The following DENND1A variants were observed in gnomAD, a reference collection of about 807,000 sequenced individuals.
The protein encoded by DENND1A is DENN domain-containing protein 1A.
A neutral mutation model predicts 113.7 loss-of-function variants in DENND1A; 51 were observed. The ratio of observed to expected loss-of-function variants is 0.45; its 90% CI spans 0.36 to 0.57. The LOEUF (loss-of-function observed/expected upper bound fraction) is 0.57, where lower values mean the gene tolerates loss of function less well. Among genes scored for constraint, DENND1A ranks in the 20% least tolerant of loss-of-function variants. DENND1A has a pLI of 0.00. For missense variants in DENND1A, 1,258 were observed against 1,395.9 expected (o/e 0.90, Z 1.57); for synonymous variants, 565 against 570.8 (o/e 0.99, Z 0.14).
chr9:123,560,640 T>C (rs1221641220), intron 12 of DENND1A, among the ~76,000 whole-genome samples: 1 of 149,220 alleles, frequency 6.7e-6, no homozygotes, highest in Non-Finnish European at 1.5e-5. Flanking sequence ...CAATGAGCTA[T>C]GATTGCACCG....
intron 6 of DENND1A, among the ~76,000 whole-genome samples, chr9:123,674,658 A>G (rs936492410): frequency 6.6e-6 from 1 of 152,206 alleles, no homozygotes; most frequent in African/African-American, 2.4e-5. Flanking sequence ...TACTGATCTC[A>G]GTCCGACATC....
intron 1 of DENND1A, among the ~76,000 whole-genome samples, chr9:123,886,612 C>T (rs1420728095): frequency 3.3e-5 from 5 of 152,204 alleles, no homozygotes; most frequent in Non-Finnish European, 5.9e-5. Context: ...ACCTAATAAA[C>T]ATTGAGTCCT....
intron 1 of DENND1A, among the ~76,000 whole-genome samples, chr9:123,902,142 T>A (rs1176058096): frequency 1.3e-5 from 2 of 151,124 alleles, no homozygotes; most frequent in African/African-American, 4.9e-5. Context: ...TACCCTTCAG[T>A]CCTGGTTATA....
At chr9:123,516,296 C>T (rs1382541437) in intron 13 of DENND1A, among the ~76,000 whole-genome samples, 1 of 151,832 alleles carries the variant, frequency 6.6e-6, no homozygotes, top group Admixed American at 6.6e-5. Flanking sequence ...TGGGGAATCC[C>T]AGTCCAGAAA....
At chr9:123,809,619 A>G (rs765783640) in intron 2 of DENND1A, among the ~76,000 whole-genome samples, 107 of 152,332 alleles carry the variant, frequency 7.0e-4, no homozygotes, top group East Asian at 1.3e-3. Context: ...AAAGAAAACA[A>G]TTATTAAAGA....
intron 13 of DENND1A, among the ~76,000 whole-genome samples, chr9:123,494,541 A>G (rs2134052422): frequency 6.6e-6 from 1 of 152,286 alleles, no homozygotes; most frequent in East Asian, 1.9e-4. Context: ...GGGTGGCTCA[A>G]GGTTACAGAA....
At chr9:123,386,385 T>TTC (rs1454660114) in intron 22 of DENND1A, among the ~76,000 whole-genome samples, 3 of 117,582 alleles carry the variant, frequency 2.6e-5, no homozygotes, top group African/African-American at 8.3e-5. Flanking sequence ...TTCTTTCTTT[T>TTC]TTTTTTTTTT....
At chr9:123,473,218 A>G (rs986581501) in intron 13 of DENND1A, among the ~76,000 whole-genome samples, 3 of 152,138 alleles carry the variant, frequency 2.0e-5, no homozygotes, top group Non-Finnish European at 2.9e-5. Context: ...ACATTTCTGA[A>G]GAAGAGGCAC....
Position 123,381,418 on chromosome 9 carries a change from CCTCAGGGCCCGG to C in DENND1A, c.*2_*13del. On this transcript the variant is annotated 3_prime_UTR_variant, in exon 24 of 24. Transcript: ENST00000394215. This position sits in a 1 kb window ranked among gnomAD's most constrained non-coding sequence, Gnocchi z 4.7. ...CCTCGGGCCTCGGTGCATCCCCCAC[CCTCAGGGCCCGG>C]CTCACTCGAAGGTCTCCCACTGCTT... 1.2e-6 allele frequency: 2 copies of C among 1,611,978 alleles called. No homozygotes were observed. Among genetic ancestry groups the C allele is most frequent in the East Asian group, 4.5e-5 (2 of 44,872 alleles).
chr9:123,667,211 C>G (rs1275345447), intron 7 of DENND1A, 132 bp from the exon 8 acceptor site: 3 of 833,662 alleles, frequency 3.6e-6, no homozygotes, highest in South Asian at 3.5e-5. Context: ...GAAGAAACAC[C>G]CATGGAATAT....
intron 11 of DENND1A, among the ~76,000 whole-genome samples, chr9:123,604,378 C>G (rs1791915101): frequency 6.6e-6 from 1 of 152,192 alleles, no homozygotes; most frequent in Non-Finnish European, 1.5e-5. Flanking sequence ...ACTACAATTA[C>G]TTTATATTTT....
intron 1 of DENND1A, among the ~76,000 whole-genome samples, chr9:123,882,676 G>A (rs558920645): frequency 6.6e-6 from 1 of 152,132 alleles, no homozygotes; most frequent in Non-Finnish European, 1.5e-5. Flanking sequence ...TTAACAGACA[G>A]TAATCCTTTT....
chr9:123,555,537 T>C (rs1319678864), intron 13 of DENND1A, among the ~76,000 whole-genome samples: 2 of 152,302 alleles, frequency 1.3e-5, no homozygotes, highest in South Asian at 2.1e-4. Flanking sequence ...TTCTTTCTTT[T>C]CCCAAACCTT....
chr9:123,833,112 G>A (rs1218646707), intron 2 of DENND1A, among the ~76,000 whole-genome samples: 1 of 102,208 alleles, frequency 9.8e-6, no homozygotes, highest in Non-Finnish European at 1.7e-5. Flanking sequence ...ACGATGGTGA[G>A]ACCTCATCTC....
chr9:123,876,914 G>A (rs1278564432), intron 2 of DENND1A, among the ~76,000 whole-genome samples: 2 of 152,148 alleles, frequency 1.3e-5, no homozygotes, highest in Non-Finnish European at 2.9e-5. Context: ...CAGTTCCATG[G>A]ATGGAACTGG....
At chr9:123,890,888 A>G (rs926009551) in intron 1 of DENND1A, among the ~76,000 whole-genome samples, 6 of 152,046 alleles carry the variant, frequency 3.9e-5, no homozygotes, top group Non-Finnish European at 5.9e-5. Flanking sequence ...ACTAAAATGC[A>G]CTCATTGTAA....
At chr9:123,616,646 T>G (rs1173557419) in intron 10 of DENND1A, among the ~76,000 whole-genome samples, 1 of 152,192 alleles carries the variant, frequency 6.6e-6, no homozygotes, top group African/African-American at 2.4e-5. Flanking sequence ...GGTCACAGGT[T>G]TGGCTCTGAG....
rs778290085 is a variant in DENND1A, at chr9:123,440,418, T to G, written c.1430A>C (p.Glu477Ala). The change falls in exon 19 of 24, where the codon GAG becomes GCG. Residue 477 changes from glutamate (E) to alanine (A), a missense_variant. Coordinates refer to ENST00000394215, the MANE Select transcript of DENND1A (RefSeq NM_001352964.2). Reference protein sequence around the residue: ...LPKTAPSPLVEAKDPKLREDR... With the variant: ...LPKTAPSPLVAAKDPKLREDR... The stretch of plus-strand genomic sequence containing the variant: ...TTCTCGGAGCTTGGGGTCCTTGGCC[T>G]CCACCAGTGGGGACGGTGCAGTCTT... The G allele has an allele frequency of 1.3e-6, 2 of 1,590,234 alleles. No homozygotes were observed. The highest frequency in any genetic ancestry group is 1.7e-6 in the Non-Finnish European group (2 of 1,172,342).
At chr9:123,705,378 A>T (rs2066131504) in intron 5 of DENND1A, among the ~76,000 whole-genome samples, 1 of 152,302 alleles carries the variant, frequency 6.6e-6, no homozygotes, top group East Asian at 1.9e-4. Flanking sequence ...GGGTACAAAG[A>T]ATAGGAAAGG....
Sources: allele counts gnomAD v4.1 joint callset (sites outside exome capture counted in the v4.1 genomes callset), GRCh38; gene constraint gnomAD v4.1.1; non-coding constraint Gnocchi (gnomAD v3.1); transcripts MANE v1.5; gene names NCBI Gene and HGNC (gene_info 2026-07-23, HGNC 2026-07-21).